CNTNAP3B: variants seen among roughly 807,000 people sequenced by gnomAD.
CNTNAP3B encodes the protein contactin-associated protein-like 3B.
A neutral mutation model predicts 108.9 loss-of-function variants in CNTNAP3B; 25 were observed. That is an observed-to-expected ratio of 0.23 (90% confidence interval 0.17 to 0.32). The LOEUF (loss-of-function observed/expected upper bound fraction) is 0.32, where lower values mean the gene tolerates loss of function less well. CNTNAP3B is among the 10% of genes least tolerant of loss of function. CNTNAP3B has a pLI of 1.00. For synonymous variants in CNTNAP3B, 103 were observed against 473.4 expected, an observed-to-expected ratio of 0.22 and a Z score of 10.16; for missense variants, 252 against 1,210.4, an observed-to-expected ratio of 0.21 and a Z score of 11.75.
At chr9:41,932,546 T>G (rs1588047570) in intron 14 of CNTNAP3B, among the ~76,000 whole-genome samples, 1 of 150,706 alleles carries the variant, frequency 6.6e-6, no homozygotes, top group African/African-American at 2.4e-5. Flanking sequence ...CGAGACAGAG[T>G]CTCACTCTTG....
intron 3 of CNTNAP3B, among the ~76,000 whole-genome samples, chr9:42,054,945 T>TA (rs1409390789): frequency 2.1e-5 from 3 of 144,614 alleles, no homozygotes; most frequent in Non-Finnish European, 4.5e-5. Flanking sequence ...TCTTTCTTCT[T>TA]ACCAGTACAC....
intron 15 of CNTNAP3B, among the ~76,000 whole-genome samples, chr9:41,927,491 G>GA (rs1823853528): frequency 2.0e-5 from 3 of 150,954 alleles, no homozygotes; most frequent in Non-Finnish European, 3.0e-5. Context: ...AGGAAGGAAG[G>GA]AGTATAAAAG....
chr9:41,942,528 G>A (rs1364870891), intron 13 of CNTNAP3B, among the ~76,000 whole-genome samples: 2 of 151,314 alleles, frequency 1.3e-5, no homozygotes, highest in African/African-American at 2.4e-5. Flanking sequence ...GGAGAATGGC[G>A]TGAACCCGGG....
rs563848434 is a variant in CNTNAP3B at position 41,990,636 on chromosome 9, C to T, written c.1333+974G>A. ...GGTCTCAAGCAGAAGTCAGCCTCTT[C>T]GTCTGTGCCTTTTTCTTTTTCAGAT... is the stretch of plus-strand genomic sequence containing the variant. On this transcript the variant is annotated intron_variant, in intron 8 of 23. Transcript: ENST00000377561. 6.4e-3 allele frequency among the ~76,000 whole-genome samples: 832 copies of T among 129,906 alleles called. 1 individual carries two copies. The highest frequency in any genetic ancestry group is 9.3e-3 in the Non-Finnish European group (570 of 61,148). The allele number at this position is 129,906 out of a possible 152,430, so 85.2% of individuals were successfully genotyped here. A position where few individuals can be genotyped will look rare whatever the true frequency, so the allele number is the denominator to read the frequency against.
At chr9:42,030,847 A>AGAGG (rs1564177967) in intron 3 of CNTNAP3B, among the ~76,000 whole-genome samples, 1 of 119,556 alleles carries the variant, frequency 8.4e-6, no homozygotes, top group Admixed American at 8.1e-5. Flanking sequence ...AGAGAGAGAG[A>AGAGG]TGTGTGCTAT....
intron 17 of CNTNAP3B, among the ~76,000 whole-genome samples, chr9:41,921,756 G>C (rs1382881406): frequency 1.3e-5 from 2 of 151,892 alleles, no homozygotes; most frequent in Non-Finnish European, 2.9e-5. Context: ...AGCCAGACCG[G>C]GTTATAAACA....
rs558610215 is a variant in CNTNAP3B at position 41,939,435 on chromosome 9, A to G, written c.2081-1035T>C. 1.1e-4 allele frequency among the ~76,000 whole-genome samples: 17 copies of G among 152,388 alleles called. No homozygotes were observed. In the East Asian group the frequency reaches 2.7e-3, roughly 24 times the overall value. ...GCTTATTACAACTCAATTATAACTC[A>G]TTCATAGATAAGATCTCTGCATTCA... On this transcript the variant is annotated intron_variant, in intron 13 of 23. Coordinates refer to ENST00000377561, the MANE Select transcript of CNTNAP3B (RefSeq NM_001201380.3).
At chr9:41,941,895 G>T (rs1241251447) in intron 13 of CNTNAP3B, among the ~76,000 whole-genome samples, 2 of 152,056 alleles carry the variant, frequency 1.3e-5, no homozygotes, top group Non-Finnish European at 2.9e-5. Flanking sequence ...CAAGTTCTCA[G>T]AATAAAGATA....
chr9:42,117,922 C>T lies in CNTNAP3B; in HGVS notation c.85+11088G>A, dbSNP rs1828357770. Among the ~76,000 whole-genome samples the T allele has an allele frequency of 2.2e-5, 3 of 139,212 alleles. 1 individual carries two copies. The highest frequency in any genetic ancestry group is 7.2e-5 in the Admixed American group (1 of 13,944). The allele number at this position is 139,212 out of a possible 152,430, so 91.3% of individuals were successfully genotyped here. ...CCTCTACACAAATAAACTAGAAAAT[C>T]TAGAAGAAATGGATAAATTCCTCGA... On this transcript the variant is annotated intron_variant, in intron 1 of 23. Coordinates refer to ENST00000377561, the MANE Select transcript of CNTNAP3B (RefSeq NM_001201380.3).
intron 15 of CNTNAP3B, 69 bp downstream of exon 15, chr9:41,929,248 C>T (rs1343779167): frequency 1.4e-6 from 2 of 1,441,776 alleles, no homozygotes; most frequent in East Asian, 2.6e-5. Context: ...AGAACAAGGG[C>T]ATTTGTCTAC....
intron 2 of CNTNAP3B, among the ~76,000 whole-genome samples, chr9:42,099,032 A>C (rs1386749246): frequency 1.4e-5 from 2 of 138,136 alleles, no homozygotes; most frequent in Admixed American, 7.2e-5. Context: ...TCCCTGCTTT[A>C]CTCTTTTCCT....
intron 15 of CNTNAP3B, among the ~76,000 whole-genome samples, chr9:41,926,402 A>G (rs1302062786): frequency 6.6e-6 from 1 of 152,308 alleles, no homozygotes. Flanking sequence ...AGAAACGAAG[A>G]GGAAGCTACA....
chr9:41,954,415 T>A (rs1174865441), intron 12 of CNTNAP3B, among the ~76,000 whole-genome samples: 1 of 152,184 alleles, frequency 6.6e-6, no homozygotes, highest in Non-Finnish European at 1.5e-5. Flanking sequence ...ACAACAGAGA[T>A]CAGAGGAAAG....
intron 4 of CNTNAP3B, among the ~76,000 whole-genome samples, chr9:42,002,445 G>T (rs1165220453): frequency 1.0e-5 from 1 of 96,992 alleles, no homozygotes; most frequent in Non-Finnish European, 2.2e-5. Context: ...CTTCCTCAAA[G>T]AATACCGGAA....
intron 13 of CNTNAP3B, among the ~76,000 whole-genome samples, chr9:41,940,430 G>T (rs979100777): frequency 1.4e-4 from 21 of 152,294 alleles, no homozygotes; most frequent in African/African-American, 5.1e-4. Context: ...AGAACCAGAA[G>T]GAATGGCATA....
intron 3 of CNTNAP3B, among the ~76,000 whole-genome samples, chr9:42,044,809 G>A (rs1444369732): frequency 7.6e-6 from 1 of 130,750 alleles, no homozygotes; most frequent in East Asian, 2.5e-4. Context: ...CTAAGATAGT[G>A]TATGGCTTTA....
rs919608212 is a variant in CNTNAP3B, at chr9:42,073,102, G to A, written c.390+3767C>T. ...TTAAAAATTGCAGATAAGCAACTGT[G>A]GATCTTTAATAATAGAAAACATTAG... On this transcript the variant is annotated intron_variant, in intron 3 of 23. Transcript: ENST00000377561. Among the ~76,000 whole-genome samples the A allele has an allele frequency of 1.5e-5, 2 of 134,888 alleles. 1 individual carries two copies. Among genetic ancestry groups the A allele is most frequent in the African/African-American group, 6.0e-5 (2 of 33,318 alleles). The allele number at this position is 134,888 out of a possible 152,430, so 88.5% of individuals were successfully genotyped here. A position where few individuals can be genotyped will look rare whatever the true frequency, so the allele number is the denominator to read the frequency against.
At chr9:41,926,310 T>A (rs1468308826) in intron 15 of CNTNAP3B, among the ~76,000 whole-genome samples, 1 of 152,086 alleles carries the variant, frequency 6.6e-6, no homozygotes, top group Non-Finnish European at 1.5e-5. Flanking sequence ...GATCCCCTAG[T>A]CCCAGCTGCC....
rs187305251 is a variant in CNTNAP3B, at chr9:42,097,290, C to G, written c.196+7339G>C. ...GCATGGAAAATGGGGATGAGTGCGT[C>G]CAAGTTAGTTCCAATTTTCAAACAT... On this transcript the variant is annotated intron_variant, in intron 2 of 23. Transcript: ENST00000377561. Among the ~76,000 whole-genome samples, 922 of 140,062 alleles carry G rather than the reference C, an allele frequency of 6.6e-3. 213 individuals carry two copies. Among genetic ancestry groups the G allele is most frequent in the African/African-American group, 0.025 (881 of 35,452 alleles). 91.9% of individuals were successfully genotyped at this position (140,062 alleles called of 152,430 possible).
Sources: allele counts gnomAD v4.1 joint callset (sites outside exome capture counted in the v4.1 genomes callset), GRCh38; gene constraint gnomAD v4.1.1; transcripts MANE v1.5; gene names NCBI Gene and HGNC (gene_info 2026-07-23, HGNC 2026-07-21).